Variants in HECTD4 observed in about 807,000 individuals in gnomAD.
The protein encoded by HECTD4 is HECT domain E3 ubiquitin protein ligase 4.
A neutral mutation model predicts 471.5 loss-of-function variants in HECTD4; 114 were observed. The ratio of observed to expected loss-of-function variants is 0.24; its 90% CI spans 0.21 to 0.28. HECTD4 has a LOEUF of 0.28. HECTD4 is among the 10% of genes least tolerant of loss of function. The pLI is 1.00. For synonymous variants in HECTD4, 2,012 were observed against 2,256.0 expected, an observed-to-expected ratio of 0.89 and a Z score of 3.07; for missense variants, 3,866 against 5,651.5, an observed-to-expected ratio of 0.68 and a Z score of 10.13.
intron 1 of HECTD4, among the ~76,000 whole-genome samples, chr12:112,355,752 A>G (rs997945547): frequency 2.0e-5 from 3 of 152,156 alleles, no homozygotes; most frequent in Non-Finnish European, 4.4e-5. Flanking sequence ...AGACAGCGAG[A>G]CTCTGTCTCA....
Position 112,228,209 on chromosome 12 carries a change from A to G in HECTD4, c.6734T>C (p.Val2245Ala), listed in dbSNP as rs748814411. Residue 2245 changes from valine (V) to alanine (A), a missense_variant, in exon 43 of 76, where the codon GTC becomes GCC. Val to Ala is a moderately conservative substitution (Grantham distance 64). This residue lies in a region of HECTD4 where 617 missense variants were observed against 915.1 expected (regional missense o/e 0.67). Coordinates refer to ENST00000682272, the MANE Select transcript of HECTD4 (RefSeq NM_001388303.1). This position sits in a 1 kb window ranked among gnomAD's most constrained non-coding sequence, Gnocchi z 4.9. ...LSITEKVVQAVQSMLLPQEGS... is the reference protein window; with the variant it reads ...LSITEKVVQAAQSMLLPQEGS... The stretch of plus-strand genomic sequence containing the variant: ...CTCCTGAGGAAGCAACATGGACTGG[A>G]CTGCCTGTACTACCTTCTCAGTAAT... The G allele has an allele frequency of 2.5e-6, 4 of 1,613,706 alleles. No homozygotes were observed. The highest frequency in any genetic ancestry group is 1.1e-5 in the South Asian group (1 of 91,046).
At position 112,200,682 on chromosome 12, in the gene HECTD4, G is replaced by T. The variant is rs61739678; in HGVS notation, c.8523C>A (p.Thr2841=). The stretch of plus-strand genomic sequence containing the variant: ...TATTGTCCAGTGTGACCAGCCCATT[G>T]GTGGCAGTCCTTCGGTAGCCTGCTG... ...RPPAGYRRTA[T]NGLVTLDNTN... Residue 2841 remains threonine, a synonymous_variant, in exon 55 of 76, where the codon ACC becomes ACA. Coordinates refer to ENST00000682272, the MANE Select transcript of HECTD4 (RefSeq NM_001388303.1). 24,038 of 1,613,894 alleles carry T rather than the reference G, an allele frequency of 0.015. 248 individuals carry two copies. Among genetic ancestry groups the T allele is most frequent in the Non-Finnish European group, 0.016 (18,668 of 1,179,832 alleles).
intron 3 of HECTD4, among the ~76,000 whole-genome samples, chr12:112,314,240 CAT>C (rs1237533211): frequency 6.6e-6 from 1 of 151,798 alleles, no homozygotes; most frequent in East Asian, 1.9e-4. Flanking sequence ...TTTTTAAAGA[CAT>C]AGAACTAAAA....
chr12:112,194,247 GCTGA>G lies in HECTD4; in HGVS notation c.8750-577_8750-574del, dbSNP rs2032169364. Among the ~76,000 whole-genome samples, 1 of 152,260 alleles carries G rather than the reference GCTGA, an allele frequency of 6.6e-6. No individual in the cohort carries two copies. The highest frequency in any genetic ancestry group is 1.5e-5 in the Non-Finnish European group (1 of 68,040). On this transcript the variant is annotated intron_variant, in intron 56 of 75. Coordinates refer to ENST00000682272, the MANE Select transcript of HECTD4 (RefSeq NM_001388303.1). This position sits in a 1 kb window ranked among gnomAD's most constrained non-coding sequence, Gnocchi z 4.6. Reference sequence around the variant, plus strand: ...GAGCTGGAGGGCAGCTACCCAGGATGCTGACTGAGCCTAGATTGCTATCTGCAAG... The same window carrying G: ...GAGCTGGAGGGCAGCTACCCAGGATGCTGAGCCTAGATTGCTATCTGCAAG...
At position 112,319,665 on chromosome 12, in the gene HECTD4, G is replaced by C; in HGVS notation, c.255C>G (p.Ala85=). Residue 85 remains alanine, a synonymous_variant, in exon 2 of 76, where the codon GCC becomes GCG. Coordinates refer to ENST00000682272, the MANE Select transcript of HECTD4 (RefSeq NM_001388303.1). The surrounding 1 kb of genome is among the most constrained non-coding windows in gnomAD (Gnocchi z 5.3). ...GGCGGTATTCCAGCAGCCGGGCATA[G>C]GCATTGCTCTGATTCCCACAAACAG... ...LRSVCGNQSN[A]YARLLEYRLN... 7.4e-7 allele frequency: 1 copy of C among 1,344,130 alleles called. No homozygotes were observed. The highest frequency in any genetic ancestry group is 2.3e-5 in the South Asian group (1 of 43,660). 83.3% of individuals were successfully genotyped at this position (1,344,130 alleles called of 1,614,324 possible).
Position 112,185,411 on chromosome 12 carries a change from C to G in HECTD4, c.9555G>C (p.Val3185=), listed in dbSNP as rs889792881. 6 of 1,609,426 alleles carry G rather than the reference C, an allele frequency of 3.7e-6. No individual in the cohort carries two copies. In the Admixed American group the frequency reaches 6.7e-5, roughly 18 times the overall value. ...GGTGCCGCCTCTGCTCCAGGGTGTG[C>G]ACCGTGCGCAGGAGCTCTGCCAGGA... ...FHLLAELLRT[V]HTLEQRRHPA... The change falls in exon 61 of 76, where the codon GTG becomes GTC. Residue 3185 remains valine, a synonymous_variant. Transcript: ENST00000682272.
intron 1 of HECTD4, among the ~76,000 whole-genome samples, chr12:112,374,360 C>G (rs889073308): frequency 6.6e-6 from 1 of 152,080 alleles, no homozygotes; most frequent in African/African-American, 2.4e-5. Flanking sequence ...TGGAATTTGC[C>G]CAAGGTCATA....
chr12:112,164,708 G>C (rs1352752158), intron 72 of HECTD4, among the ~76,000 whole-genome samples: 3 of 150,262 alleles, frequency 2.0e-5, no homozygotes, highest in Non-Finnish European at 4.4e-5. Context: ...GCAACCCCTC[G>C]CCTCCTGGGT....
intron 52 of HECTD4, among the ~76,000 whole-genome samples, chr12:112,207,116 G>GTGTGTGTGTATGTA (rs1555250152): frequency 6.8e-6 from 1 of 147,332 alleles, no homozygotes; most frequent in East Asian, 2.0e-4. Context: ...ATGTGTGTGT[G>GTGTGTGTGTATGTA]TGTATGTATG....
chr12:112,289,972 C>T (rs189496658), intron 7 of HECTD4, among the ~76,000 whole-genome samples: 108 of 152,218 alleles, frequency 7.1e-4, no homozygotes, highest in Admixed American at 3.3e-3. Context: ...CCACCGCACT[C>T]GGCCTATTCT....
At chr12:112,263,559 T>C (rs1183116410) in intron 17 of HECTD4, among the ~76,000 whole-genome samples, 1 of 152,126 alleles carries the variant, frequency 6.6e-6, no homozygotes, top group Non-Finnish European at 1.5e-5. Context: ...TTAAAAATAA[T>C]CACAGAAAAT....
chr12:112,189,588 G>A (rs1043661957), intron 60 of HECTD4, among the ~76,000 whole-genome samples: 9 of 146,432 alleles, frequency 6.1e-5, no homozygotes, highest in Non-Finnish European at 8.9e-5. Flanking sequence ...AAGAAATTAC[G>A]GTTCTGGCAG....
Position 112,259,160 on chromosome 12 carries a change from C to G in HECTD4, c.2979G>C (p.Ala993=), listed in dbSNP as rs764278250. The G allele has an allele frequency of 1.2e-6, 2 of 1,613,670 alleles. No individual in the cohort carries two copies. The highest frequency in any genetic ancestry group is 2.7e-5 in the African/African-American group (2 of 75,018). Residue 993 remains alanine, a synonymous_variant, in exon 19 of 76, where the codon GCG becomes GCC. Coordinates refer to ENST00000682272, the MANE Select transcript of HECTD4 (RefSeq NM_001388303.1). ...MHPNLQTLIM[A]DALMPQLVQL... The stretch of plus-strand genomic sequence containing the variant: ...GCACTAGCTGAGGCATCAGGGCATC[C>G]GCCATGATCAGAGTCTGTAAATTTG...
At chr12:112,182,991 A>G in intron 62 of HECTD4, 68 bp downstream of exon 62, 1 of 1,175,334 alleles carries the variant, frequency 8.5e-7, no homozygotes, top group Non-Finnish European at 1.2e-6. Flanking sequence ...TTTAATGCAG[A>G]TTTTTTTCTG....
At chr12:112,368,360 G>A (rs2036606028) in intron 1 of HECTD4, among the ~76,000 whole-genome samples, 1 of 152,168 alleles carries the variant, frequency 6.6e-6, no homozygotes, top group Admixed American at 6.5e-5. Context: ...TTATAAAGTA[G>A]TAACAGTAAT....
chr12:112,163,970 C>T lies in HECTD4; in HGVS notation c.12701+139G>A, dbSNP rs2030817070. 1.0e-6 allele frequency: 1 copy of T among 980,444 alleles called. No individual in the cohort carries two copies. Among genetic ancestry groups the T allele is most frequent in the Admixed American group, 3.4e-5 (1 of 29,752 alleles). The allele number at this position is 980,444 out of a possible 1,614,324, so 60.7% of individuals were successfully genotyped here. A position where few individuals can be genotyped will look rare whatever the true frequency, so the allele number is the denominator to read the frequency against. On this transcript the variant is annotated intron_variant, in intron 73 of 75. Coordinates refer to ENST00000682272, the MANE Select transcript of HECTD4 (RefSeq NM_001388303.1). The surrounding 1 kb of genome is among the most constrained non-coding windows in gnomAD (Gnocchi z 8.2). ...TTTCTTGGCACCCACCATCCTGCCT[C>T]ATCTCCCTCTCCTGGTGAAATCCAC... is the stretch of plus-strand genomic sequence containing the variant.
chr12:112,226,590 T>C lies in HECTD4; in HGVS notation c.6970+53A>G. The C allele has an allele frequency of 3.4e-6, 4 of 1,186,378 alleles. 1 individual carries two copies. The South Asian group carries it at 5.4e-5, about 16-fold the overall frequency. The allele number at this position is 1,186,378 out of a possible 1,614,324, so 73.5% of individuals were successfully genotyped here. On this transcript the variant is annotated intron_variant, in intron 44 of 75. Coordinates refer to ENST00000682272, the MANE Select transcript of HECTD4 (RefSeq NM_001388303.1). Reference sequence around the variant, plus strand: ...TAACATACCATTATCAAATTGCAAATGTGCTGAGAAAATTCAATAAAACAG... The same window carrying C: ...TAACATACCATTATCAAATTGCAAACGTGCTGAGAAAATTCAATAAAACAG...
At chr12:112,251,774 T>C (rs1029569413) in intron 23 of HECTD4, among the ~76,000 whole-genome samples, 1 of 152,198 alleles carries the variant, frequency 6.6e-6, no homozygotes, top group Non-Finnish European at 1.5e-5. Flanking sequence ...TGTTTGTTTG[T>C]TTGTTTTTTA....
At position 112,188,714 on chromosome 12, in the gene HECTD4, CA is replaced by C. The variant is rs1362860220; in HGVS notation, c.9472+2071del. On this transcript the variant is annotated intron_variant, in intron 60 of 75. Coordinates refer to ENST00000682272, the MANE Select transcript of HECTD4 (RefSeq NM_001388303.1). The surrounding 1 kb of genome is among the most constrained non-coding windows in gnomAD (Gnocchi z 4.2). ...GTCCAGCACCTACCAAAGAGGGGAT[CA>C]AGCTTCCTGCTCTCTCAGGACTGAC... Among the ~76,000 whole-genome samples the C allele has an allele frequency of 1.3e-5, 2 of 152,238 alleles. No individual in the cohort carries two copies. Among genetic ancestry groups the C allele is most frequent in the Admixed American group, 1.3e-4 (2 of 15,284 alleles).
Sources: gnomAD v4.1 joint callset for allele counts (sites outside exome capture counted in the v4.1 genomes callset) on GRCh38, gnomAD v4.1.1 for gene constraint, gnomAD v4.1.1 regional missense constraint, Gnocchi (gnomAD v3.1) non-coding constraint, MANE v1.5 for transcripts, NCBI Gene and HGNC (gene_info 2026-07-23, HGNC 2026-07-21) for gene names.